Variants in POTEC observed in about 807,000 individuals in gnomAD.
POTEC encodes the protein ANKRD26-like family B member 2.
A neutral mutation model predicts 62.0 loss-of-function variants in POTEC; 35 were observed. The observed-to-expected ratio is 0.56, with a 90% CI of 0.43 to 0.75. POTEC has a LOEUF of 0.75. Among genes scored for constraint, POTEC ranks in the 30% least tolerant of loss-of-function variants. The pLI, the probability that POTEC is intolerant of heterozygous loss-of-function variation, is 0.00. For missense variants in POTEC, 472 were observed against 655.9 expected, an observed-to-expected ratio of 0.72 and a Z score of 3.06; for synonymous variants, 156 against 221.5, an observed-to-expected ratio of 0.70 and a Z score of 2.62.
rs1443523432 is a variant in POTEC, at chr18:14,509,304, C to A, written c.*2594G>T. The A allele has an allele frequency of 6.6e-6, 1 of 152,218 alleles. No individual in the cohort carries two copies. The highest frequency in any genetic ancestry group is 1.9e-4 in the East Asian group (1 of 5,150). The allele number at this position is 152,218 out of a possible 1,614,324, so 9.4% of individuals were successfully genotyped here. A position where few individuals can be genotyped will look rare whatever the true frequency, so the allele number is the denominator to read the frequency against. Reference sequence around the variant, plus strand: ...GCCAGTGAAGGTGCCTTCTCTGATCCCCCCCAAGCAACAGTGGTCACTCAG... The same window carrying A: ...GCCAGTGAAGGTGCCTTCTCTGATCACCCCCAAGCAACAGTGGTCACTCAG... On this transcript the variant is annotated 3_prime_UTR_variant, in exon 11 of 11. Transcript: ENST00000358970.
intron 6 of POTEC, chr18:14,528,967 C>T: frequency 2.2e-6 from 1 of 454,412 alleles, no homozygotes; most frequent in African/African-American, 2.0e-5. Flanking sequence ...AACAGGCAAC[C>T]TCATTAGATG....
At chr18:14,535,761 A>G (rs539999737) in intron 3 of POTEC, among the ~76,000 whole-genome samples, 1 of 152,098 alleles carries the variant, frequency 6.6e-6, no homozygotes, top group African/African-American at 2.4e-5. Context: ...TGCTCTTAAA[A>G]ACGACTTACT....
intron 9 of POTEC, among the ~76,000 whole-genome samples, chr18:14,514,771 T>A (rs1910104604): frequency 6.6e-6 from 1 of 152,016 alleles, no homozygotes; most frequent in African/African-American, 2.4e-5. Context: ...AACTCTCTCT[T>A]CAGCAATGAT....
rs1015429729 is a variant in POTEC at position 14,510,112 on chromosome 18, GTTAC to G, written c.*1782_*1785del. The G allele has an allele frequency of 6.6e-6, 1 of 151,240 alleles. No individual in the cohort carries two copies. The highest frequency in any genetic ancestry group is 2.4e-5 in the African/African-American group (1 of 41,002). 9.4% of individuals were successfully genotyped at this position (151,240 alleles called of 1,614,324 possible). On this transcript the variant is annotated 3_prime_UTR_variant, in exon 11 of 11. Transcript: ENST00000358970. ...CACCCCAGAGAGGTGTAAGTTAGCA[GTTAC>G]TTAATGTAATCACCCCAGGATGGAG...
intron 4 of POTEC, among the ~76,000 whole-genome samples, chr18:14,534,130 T>A (rs1178570585): frequency 7.4e-6 from 1 of 134,370 alleles, no homozygotes; most frequent in South Asian, 2.4e-4. Context: ...TGTGTCCATG[T>A]GATCTCATTG....
intron 9 of POTEC, among the ~76,000 whole-genome samples, chr18:14,514,083 T>C (rs1182973438): frequency 6.6e-6 from 1 of 151,304 alleles, no homozygotes; most frequent in Admixed American, 6.6e-5. Context: ...AATGAAATAA[T>C]TATATAACTC....
intron 3 of POTEC, among the ~76,000 whole-genome samples, chr18:14,537,189 AC>A: frequency 1.3e-5 from 1 of 76,866 alleles, no homozygotes; most frequent in Non-Finnish European, 2.3e-5. Context: ...ACACACACAC[AC>A]ACACACACAC....
chr18:14,531,423 TCTA>T (rs1905513250), intron 5 of POTEC, among the ~76,000 whole-genome samples: 2 of 152,192 alleles, frequency 1.3e-5, no homozygotes, highest in South Asian at 4.1e-4. Context: ...AGACCAAAAC[TCTA>T]CTTTTATTTT....
chr18:14,512,382 G>A (rs1288463406), intron 10 of POTEC, among the ~76,000 whole-genome samples: 3 of 152,148 alleles, frequency 2.0e-5, no homozygotes, highest in Non-Finnish European at 4.4e-5. Flanking sequence ...GCGTATATTA[G>A]GACAGAAGCA....
chr18:14,542,163 TCA>T (rs1347899351), intron 1 of POTEC, among the ~76,000 whole-genome samples: 1 of 152,166 alleles, frequency 6.6e-6, no homozygotes, highest in African/African-American at 2.4e-5. Flanking sequence ...ACTTCCCATT[TCA>T]GTTTCCTTTT....
At chr18:14,539,670 A>G (rs1245934910) in intron 1 of POTEC, among the ~76,000 whole-genome samples, 1 of 151,620 alleles carries the variant, frequency 6.6e-6, no homozygotes, top group Non-Finnish European at 1.5e-5. Flanking sequence ...TTAAGTTCTT[A>G]AAACAGCTAA....
At chr18:14,540,554 T>C (rs1905897991) in intron 1 of POTEC, among the ~76,000 whole-genome samples, 1 of 152,230 alleles carries the variant, frequency 6.6e-6, no homozygotes, top group East Asian at 1.9e-4. Context: ...TATCTCTGTA[T>C]CTACTGACAC....
rs1165471332 is a variant in POTEC, at chr18:14,508,054, T to TTC, written c.*3842_*3843dup. ...ATGATTATGTGTCTTGGGGATGATC[T>TTC]TCTCATGGCATATCTTACTGAGGTT... On this transcript the variant is annotated 3_prime_UTR_variant, in exon 11 of 11. Transcript: ENST00000358970. 6.6e-6 allele frequency: 1 copy of TTC among 152,200 alleles called. No homozygotes were observed. Among genetic ancestry groups the TTC allele is most frequent in the African/African-American group, 2.4e-5 (1 of 41,440 alleles). The allele number at this position is 152,200 out of a possible 1,614,324, so 9.4% of individuals were successfully genotyped here. A position where few individuals can be genotyped will look rare whatever the true frequency, so the allele number is the denominator to read the frequency against.
At chr18:14,531,333 T>A (rs1307077445) in intron 5 of POTEC, among the ~76,000 whole-genome samples, 5 of 150,096 alleles carry the variant, frequency 3.3e-5, no homozygotes, top group African/African-American at 1.2e-4. Context: ...ATGATCCTTC[T>A]CTATAGACTC....
intron 2 of POTEC, 75 bp downstream of exon 2, chr18:14,538,060 A>T: frequency 2.6e-6 from 4 of 1,546,766 alleles, no homozygotes; most frequent in Non-Finnish European, 3.5e-6. Context: ...GTTATATTTA[A>T]ATGAGAAAAC....
chr18:14,507,390 G>A lies in POTEC; in HGVS notation c.*4508C>T, dbSNP rs993841547. 1 of 151,152 alleles carries A rather than the reference G, an allele frequency of 6.6e-6. No individual in the cohort carries two copies. Among genetic ancestry groups the A allele is most frequent in the Non-Finnish European group, 1.5e-5 (1 of 67,858 alleles). The allele number at this position is 151,152 out of a possible 1,614,324, so 9.4% of individuals were successfully genotyped here. A position where few individuals can be genotyped will look rare whatever the true frequency, so the allele number is the denominator to read the frequency against. On this transcript the variant is annotated 3_prime_UTR_variant, in exon 11 of 11. Coordinates refer to ENST00000358970, the MANE Select transcript of POTEC (RefSeq NM_001137671.2). ...TATAGTCTGTTTTGTCAGAAACTAG[G>A]AGTGCAACACCTGCTTTTTTCTGTT...
At chr18:14,519,155 G>A (rs1243949120) in intron 9 of POTEC, among the ~76,000 whole-genome samples, 2 of 152,142 alleles carry the variant, frequency 1.3e-5, no homozygotes, top group Non-Finnish European at 2.9e-5. Flanking sequence ...GTCAGAGAGA[G>A]AGAGAGAGAT....
chr18:14,523,892 G>T (rs1910370993), intron 7 of POTEC, among the ~76,000 whole-genome samples: 1 of 152,062 alleles, frequency 6.6e-6, no homozygotes, highest in African/African-American at 2.4e-5. Context: ...TGTTCCAAAG[G>T]CTTCCTCACT....
At chr18:14,513,228 C>A (rs528807449) in intron 10 of POTEC, among the ~76,000 whole-genome samples, 2,076 of 152,042 alleles carry the variant, frequency 0.014, 50 homozygotes, top group African/African-American at 0.048. Context: ...GGCCTCTGAC[C>A]CAGCTGTACA....
Sources: allele counts gnomAD v4.1 joint callset (sites outside exome capture counted in the v4.1 genomes callset), GRCh38; gene constraint gnomAD v4.1.1; transcripts MANE v1.5; gene names NCBI Gene and HGNC (gene_info 2026-07-23, HGNC 2026-07-21).